Variants in ASPRV1 observed in about 807,000 individuals in gnomAD.
ASPRV1 encodes aspartic peptidase retroviral like 1, also known as retroviral-like aspartic protease 1.
Under a neutral mutation model 11.0 loss-of-function variants are expected in ASPRV1, and 7 were observed. That is an observed-to-expected ratio of 0.64 (90% CI 0.36 to 1.20). ASPRV1 has a LOEUF of 1.20. Among genes scored for constraint, ASPRV1 ranks in the 50% most tolerant of loss-of-function variants. ASPRV1 has a pLI of 0.02. For synonymous variants in ASPRV1, 136 were observed against 138.4 expected, an observed-to-expected ratio of 0.98 and a Z score of 0.12; for missense variants, 299 against 320.0, an observed-to-expected ratio of 0.93 and a Z score of 0.50.
At chr2:70,083,892 A>T in the ASPRV1 span, among the ~76,000 whole-genome samples, 17 of 152,208 alleles carry the variant, frequency 1.1e-4, no homozygotes, top group Non-Finnish European at 1.9e-4. Flanking sequence ...TCTCAGAGCT[A>T]GACAGGGGCA....
At chr2:69,940,726 G>A in the ASPRV1 span, 1 of 152,618 alleles carries the variant, frequency 6.6e-6, no homozygotes, top group African/African-American at 2.4e-5. Context: ...TAATGCACTT[G>A]TGATAAACTG....
the ASPRV1 span, among the ~76,000 whole-genome samples, chr2:69,978,270 C>T: frequency 6.6e-6 from 1 of 152,180 alleles, no homozygotes; most frequent in Admixed American, 6.5e-5. Flanking sequence ...CTCCAAGCCT[C>T]CAGGGGAGTC....
chr2:70,009,296 T>C, the ASPRV1 span, among the ~76,000 whole-genome samples: 271 of 150,508 alleles, frequency 1.8e-3, 1 homozygote, highest in South Asian at 0.016. Context: ...CAGCACTGCT[T>C]ATATAATTTA....
the ASPRV1 span, among the ~76,000 whole-genome samples, chr2:70,029,609 A>G: frequency 3.9e-5 from 6 of 152,292 alleles, no homozygotes; most frequent in African/African-American, 1.2e-4. Flanking sequence ...ACTGCACTCC[A>G]CCCTGGTGAC....
chr2:70,005,009 C>T, the ASPRV1 span, among the ~76,000 whole-genome samples: 4 of 152,222 alleles, frequency 2.6e-5, no homozygotes, highest in Non-Finnish European at 5.9e-5. Flanking sequence ...GTGTCCATCG[C>T]CCTCCCTCAA....
upstream of ASPRV1, chr2:69,961,968 A>G (rs2104283142): frequency 2.6e-6 from 1 of 382,914 alleles, no homozygotes; most frequent in South Asian, 7.5e-5. Context: ...GACGCCCATC[A>G]GCTCAGAGAC....
At chr2:70,052,331 TTTA>T in the ASPRV1 span, among the ~76,000 whole-genome samples, 1 of 152,328 alleles carries the variant, frequency 6.6e-6, no homozygotes, top group Non-Finnish European at 1.5e-5. Context: ...TTATTCTGTA[TTTA>T]TTGACATGAA....
At chr2:70,011,512 A>G in the ASPRV1 span, 1 of 152,748 alleles carries the variant, frequency 6.5e-6, no homozygotes, top group Non-Finnish European at 1.5e-5. Flanking sequence ...GGAGGGAGCC[A>G]GATAAGGGGA....
chr2:70,043,568 T>C, the ASPRV1 span, among the ~76,000 whole-genome samples: 1 of 152,266 alleles, frequency 6.6e-6, no homozygotes, highest in Non-Finnish European at 1.5e-5. Flanking sequence ...GCTTTTTGCA[T>C]GGCTTATTTT....
the ASPRV1 span, among the ~76,000 whole-genome samples, chr2:70,027,756 A>G: frequency 2.0e-5 from 3 of 152,240 alleles, no homozygotes; most frequent in Admixed American, 6.5e-5. Context: ...GATAAAAGGA[A>G]TAAGTTCTAG....
chr2:70,070,097 TG>T, the ASPRV1 span, among the ~76,000 whole-genome samples: 31 of 148,596 alleles, frequency 2.1e-4, no homozygotes, highest in African/African-American at 7.2e-4. Context: ...AAGAATCGCT[TG>T]AACCCAGGAG....
At chr2:70,026,251 T>C in the ASPRV1 span, among the ~76,000 whole-genome samples, 1 of 152,170 alleles carries the variant, frequency 6.6e-6, no homozygotes, top group African/African-American at 2.4e-5. Flanking sequence ...CACTCCAGCC[T>C]GGAAAACAAG....
chr2:70,016,095 AC>A, the ASPRV1 span: 1 of 152,214 alleles, frequency 6.6e-6, no homozygotes, highest in Non-Finnish European at 1.5e-5. Context: ...ATTCCATCCA[AC>A]AGCAGCAGAA....
chr2:69,939,631 C>T, the ASPRV1 span: 1 of 152,500 alleles, frequency 6.6e-6, no homozygotes, highest in Non-Finnish European at 1.5e-5. Context: ...TAGTTCATTC[C>T]CCTGAATATT....
At chr2:70,085,722 G>A in the ASPRV1 span, 1 of 152,228 alleles carries the variant, frequency 6.6e-6, no homozygotes, top group Non-Finnish European at 1.5e-5. Context: ...GCCTTGCATC[G>A]GATGTGCTGG....
chr2:70,071,162 A>G, the ASPRV1 span, among the ~76,000 whole-genome samples: 1,634 of 152,312 alleles, frequency 0.011, 31 homozygotes, highest in African/African-American at 0.037. Context: ...CTCACAGACA[A>G]TTGTAAAGAC....
At chr2:70,054,891 A>T in the ASPRV1 span, among the ~76,000 whole-genome samples, 12 of 152,316 alleles carry the variant, frequency 7.9e-5, no homozygotes, top group Admixed American at 6.5e-4. Flanking sequence ...GTTAACTAAG[A>T]TATTATTTAA....
At chr2:70,035,115 A>G in the ASPRV1 span, 2 of 152,304 alleles carry the variant, frequency 1.3e-5, no homozygotes, top group Non-Finnish European at 2.9e-5. Flanking sequence ...ATGAGAAGGA[A>G]GGGAGGTGAA....
chr2:69,984,610 C>CTTTTTTTTTTTTT, the ASPRV1 span, among the ~76,000 whole-genome samples: 1 of 65,338 alleles, frequency 1.5e-5, no homozygotes, highest in African/African-American at 6.7e-5. Context: ...TCAGGTCCAG[C>CTTTTTTTTTTTTT]TTTTTTTTTT....
Sources: allele counts gnomAD v4.1 joint callset (sites outside exome capture counted in the v4.1 genomes callset), GRCh38; gene constraint gnomAD v4.1.1; transcripts MANE v1.5; gene names NCBI Gene and HGNC (gene_info 2026-07-23, HGNC 2026-07-21).